OXR1: variants seen among roughly 807,000 people sequenced by gnomAD.
The protein encoded by OXR1 is oxidation resistance 1.
OXR1 carries 41 observed loss-of-function variants against 104.6 expected under a neutral mutation model. That is an observed-to-expected ratio of 0.39 (90% CI 0.31 to 0.51). The LOEUF (loss-of-function observed/expected upper bound fraction) is 0.51, where lower values mean the gene tolerates loss of function less well. Ranked by LOEUF, OXR1 falls within the 20% of genes least tolerant of loss-of-function variation. The pLI is 0.77. For missense variants in OXR1, 955 were observed against 1,031.9 expected, an observed-to-expected ratio of 0.93 and a Z score of 1.02; for synonymous variants, 348 against 348.4, an observed-to-expected ratio of 1.00 and a Z score of 0.01.
chr8:106,349,215 T>C (rs1039436609), intron 1 of OXR1, among the ~76,000 whole-genome samples: 6 of 152,146 alleles, frequency 3.9e-5, no homozygotes, highest in Admixed American at 3.9e-4. Context: ...GATTTTTTGA[T>C]CATCCAAATG....
rs1008459162 is a variant in OXR1 at position 106,410,380 on chromosome 8, C to A, written c.23+50744C>A. 1.3e-5 allele frequency among the ~76,000 whole-genome samples: 2 copies of A among 152,202 alleles called. 1 individual carries two copies. The highest frequency in any genetic ancestry group is 3.9e-4 in the East Asian group (2 of 5,166). On this transcript the variant is annotated intron_variant, in intron 2 of 16. Transcript: ENST00000517566. ...ATCAAATCCAGTGATTATTAAGTAT[C>A]TTTTATATGTGAAGTGGTGTTAGAC...
intron 2 of OXR1, among the ~76,000 whole-genome samples, chr8:106,453,136 C>T (rs113589947): frequency 1.1e-4 from 17 of 152,120 alleles, no homozygotes; most frequent in Admixed American, 1.3e-4. Flanking sequence ...TGTGACTGCC[C>T]CTTGGAGATC....
At chr8:106,512,526 G>T (rs527289883) in intron 2 of OXR1, among the ~76,000 whole-genome samples, 7 of 152,096 alleles carry the variant, frequency 4.6e-5, no homozygotes, top group Non-Finnish European at 1.5e-5. Context: ...GGCACAATTT[G>T]AATTCCACTT....
At chr8:106,563,321 A>G (rs578021464) in intron 3 of OXR1, among the ~76,000 whole-genome samples, 134 of 152,018 alleles carry the variant, frequency 8.8e-4, no homozygotes, top group African/African-American at 3.0e-3. Context: ...AAAAGAAAAA[A>G]AAAGCAGGGG....
At chr8:106,486,341 A>C (rs1810654471) in intron 2 of OXR1, among the ~76,000 whole-genome samples, 1 of 152,142 alleles carries the variant, frequency 6.6e-6, no homozygotes, top group Non-Finnish European at 1.5e-5. Context: ...CACAAGCTGC[A>C]CGCCATGTTT....
At chr8:106,641,172 T>C (rs1823596454) in intron 3 of OXR1, among the ~76,000 whole-genome samples, 1 of 152,240 alleles carries the variant, frequency 6.6e-6, no homozygotes, top group Admixed American at 6.5e-5. Context: ...TTTTGCCATA[T>C]GAGCTTACAA....
intron 2 of OXR1, among the ~76,000 whole-genome samples, chr8:106,409,831 T>A (rs540972068): frequency 1.3e-5 from 2 of 152,324 alleles, no homozygotes; most frequent in African/African-American, 4.8e-5. Context: ...GTGAATTAAA[T>A]GATTTATTTT....
At chr8:106,599,537 A>T (rs1415803930) in intron 3 of OXR1, among the ~76,000 whole-genome samples, 1 of 152,196 alleles carries the variant, frequency 6.6e-6, no homozygotes, top group Non-Finnish European at 1.5e-5. Flanking sequence ...TCTTACTGGA[A>T]AAGGTTAGGT....
At chr8:106,697,219 G>T (rs766727572) in intron 7 of OXR1, among the ~76,000 whole-genome samples, 3 of 152,182 alleles carry the variant, frequency 2.0e-5, no homozygotes, top group Admixed American at 6.5e-5. Flanking sequence ...CAGTTTTGAT[G>T]GGTATGGGGA....
At chr8:106,586,687 G>A (rs1031608093) in intron 3 of OXR1, among the ~76,000 whole-genome samples, 2 of 152,150 alleles carry the variant, frequency 1.3e-5, no homozygotes, top group Non-Finnish European at 2.9e-5. Flanking sequence ...CCAGTGTTGG[G>A]TAGGAAGAAG....
intron 2 of OXR1, among the ~76,000 whole-genome samples, chr8:106,452,358 T>G (rs1217756229): frequency 6.6e-6 from 1 of 152,186 alleles, no homozygotes; most frequent in Non-Finnish European, 1.5e-5. Context: ...AAAATGTTTG[T>G]TAAAATAACC....
At chr8:106,468,021 A>C (rs1363038951) in intron 2 of OXR1, among the ~76,000 whole-genome samples, 1 of 151,802 alleles carries the variant, frequency 6.6e-6, no homozygotes, top group Non-Finnish European at 1.5e-5. Flanking sequence ...TGGATGGATA[A>C]ATTTTTGATC....
chr8:106,596,662 G>A (rs1348490760), intron 3 of OXR1, among the ~76,000 whole-genome samples: 1 of 152,170 alleles, frequency 6.6e-6, no homozygotes, highest in Non-Finnish European at 1.5e-5. Context: ...ATGACTCATA[G>A]AGAGGAGGTT....
At position 106,737,603 on chromosome 8, in the gene OXR1, GC is replaced by G; in HGVS notation, c.2037+8del. On this transcript the variant is annotated splice_donor_region_variant and intron_variant, in intron 12 of 16. Transcript: ENST00000517566. ...GCACACTCTGCAGACGCCTCCAGGT[GC>G]CCCCTTCAGTAGTTTAAACCCCTCC... The G allele has an allele frequency of 7.4e-7, 1 of 1,357,032 alleles. No individual in the cohort carries two copies. The highest frequency in any genetic ancestry group is 9.7e-7 in the Non-Finnish European group (1 of 1,033,332). 84.1% of individuals were successfully genotyped at this position (1,357,032 alleles called of 1,614,324 possible).
chr8:106,694,801 C>CATTTATATATATAAT (rs1311989548), intron 7 of OXR1, among the ~76,000 whole-genome samples: 1 of 105,428 alleles, frequency 9.5e-6, no homozygotes, highest in Non-Finnish European at 1.8e-5. Context: ...TAGATAAATA[C>CATTTATATATATAAT]ATATATATTT....
chr8:106,657,926 C>A, intron 3 of OXR1: 1 of 1,247,200 alleles, frequency 8.0e-7, no homozygotes. Context: ...CTAGTGGTGG[C>A]CGCCACCGCC....
chr8:106,738,789 A>C (rs1834633866), intron 12 of OXR1, among the ~76,000 whole-genome samples: 1 of 151,928 alleles, frequency 6.6e-6, no homozygotes, highest in African/African-American at 2.4e-5. Flanking sequence ...GTAATGCAAC[A>C]CATTAATCTA....
chr8:106,534,693 A>C (rs1025339441), intron 3 of OXR1, among the ~76,000 whole-genome samples: 31 of 152,204 alleles, frequency 2.0e-4, no homozygotes, highest in African/African-American at 7.5e-4. Flanking sequence ...TTCAACTGTT[A>C]AATGGGAATA....
intron 1 of OXR1, among the ~76,000 whole-genome samples, chr8:106,344,828 T>A (rs1815411384): frequency 6.6e-6 from 1 of 152,242 alleles, no homozygotes; most frequent in Non-Finnish European, 1.5e-5. Flanking sequence ...ATTCATCCTT[T>A]ATTGTAAAAT....
Sources: gnomAD v4.1 joint callset for allele counts (sites outside exome capture counted in the v4.1 genomes callset) on GRCh38, gnomAD v4.1.1 for gene constraint, MANE v1.5 for transcripts, NCBI Gene and HGNC (gene_info 2026-07-23, HGNC 2026-07-21) for gene names.